EPHA7: variants seen among roughly 807,000 people sequenced by gnomAD.
EPHA7 encodes the protein ephrin type-A receptor 7.
A neutral mutation model predicts 112.6 loss-of-function variants in EPHA7; 25 were observed. That is an observed-to-expected ratio of 0.22 (90% CI 0.16 to 0.31). The LOEUF (loss-of-function observed/expected upper bound fraction) is 0.31, where lower values mean the gene tolerates loss of function less well. Ranked by LOEUF, EPHA7 falls within the 10% of genes least tolerant of loss-of-function variation. The pLI is 1.00. For synonymous variants in EPHA7, 437 were observed against 406.5 expected (o/e 1.07, Z -0.90); for missense variants, 962 against 1,212.6 (o/e 0.79, Z 3.07).
intron 5 of EPHA7, among the ~76,000 whole-genome samples, chr6:93,328,406 CAT>C (rs1169829085): frequency 3.3e-5 from 5 of 151,472 alleles, no homozygotes; most frequent in African/African-American, 9.7e-5. Flanking sequence ...ATGTATGAAA[CAT>C]GTGAAATGCT....
At chr6:93,272,178 A>T in intron 6 of EPHA7, 120 bp downstream of exon 6, 3 of 1,087,698 alleles carry the variant, frequency 2.8e-6, no homozygotes, top group Non-Finnish European at 4.0e-6. Flanking sequence ...GGCTAAAATT[A>T]ACTACGAAGT....
chr6:93,397,647 T>A (rs192874835), intron 3 of EPHA7, among the ~76,000 whole-genome samples: 6 of 151,954 alleles, frequency 3.9e-5, no homozygotes, highest in Middle Eastern at 3.2e-3. Context: ...CAACATTCCA[T>A]TGGATTCCAG....
chr6:93,327,507 T>C (rs1208320763), intron 5 of EPHA7, among the ~76,000 whole-genome samples: 1 of 151,566 alleles, frequency 6.6e-6, no homozygotes, highest in Non-Finnish European at 1.5e-5. Context: ...CTGTAGCATC[T>C]TAAACATAGC....
At chr6:93,304,659 A>T (rs1773160810) in intron 5 of EPHA7, among the ~76,000 whole-genome samples, 1 of 152,102 alleles carries the variant, frequency 6.6e-6, no homozygotes, top group South Asian at 2.1e-4. Flanking sequence ...CTTTCAACCC[A>T]GAGTTAGATT....
intron 5 of EPHA7, among the ~76,000 whole-genome samples, chr6:93,283,048 T>G (rs1771847955): frequency 6.6e-6 from 1 of 152,174 alleles, no homozygotes; most frequent in Non-Finnish European, 1.5e-5. Context: ...CGGGATCCAT[T>G]GGGTGAAGCC....
chr6:93,354,772 G>A (rs1310439477), intron 5 of EPHA7, among the ~76,000 whole-genome samples: 2 of 151,962 alleles, frequency 1.3e-5, no homozygotes, highest in East Asian at 1.9e-4. Context: ...TATTTAGCCT[G>A]TATAGTATTA....
At chr6:93,351,575 A>G (rs1311997112) in intron 5 of EPHA7, among the ~76,000 whole-genome samples, 1 of 152,046 alleles carries the variant, frequency 6.6e-6, no homozygotes, top group East Asian at 1.9e-4. Flanking sequence ...AATAGTGTAC[A>G]GTGAATAGTG....
chr6:93,293,697 A>G (rs2127840133), intron 5 of EPHA7, among the ~76,000 whole-genome samples: 1 of 152,308 alleles, frequency 6.6e-6, no homozygotes, highest in South Asian at 2.1e-4. Context: ...TGCTAACTCG[A>G]TACTTACAAA....
chr6:93,376,976 T>C (rs1043402610), intron 3 of EPHA7, among the ~76,000 whole-genome samples: 2 of 152,136 alleles, frequency 1.3e-5, no homozygotes, highest in Non-Finnish European at 2.9e-5. Flanking sequence ...ATAACCACCA[T>C]GAGGAAATCA....
intron 3 of EPHA7, among the ~76,000 whole-genome samples, chr6:93,401,818 G>A (rs1293621647): frequency 6.6e-6 from 1 of 151,870 alleles, no homozygotes; most frequent in Non-Finnish European, 1.5e-5. Flanking sequence ...TATGGACATA[G>A]AGAAAAATAT....
intron 5 of EPHA7, among the ~76,000 whole-genome samples, chr6:93,275,824 A>T (rs1225316577): frequency 6.6e-6 from 1 of 152,068 alleles, no homozygotes; most frequent in Admixed American, 6.6e-5. Flanking sequence ...TGAACCAATC[A>T]GCATTTTTAC....
chr6:93,317,130 C>T (rs1477202692), intron 5 of EPHA7, among the ~76,000 whole-genome samples: 5 of 152,122 alleles, frequency 3.3e-5, no homozygotes, highest in Non-Finnish European at 5.9e-5. Flanking sequence ...AACTTACAGG[C>T]AGATGCTCTT....
intron 3 of EPHA7, among the ~76,000 whole-genome samples, chr6:93,370,997 A>G (rs1776763717): frequency 6.6e-6 from 1 of 151,134 alleles, no homozygotes; most frequent in Non-Finnish European, 1.5e-5. Context: ...TACAAAAAAA[A>G]AAAAAAGAAA....
At chr6:93,337,621 G>C (rs1003803144) in intron 5 of EPHA7, among the ~76,000 whole-genome samples, 2 of 152,094 alleles carry the variant, frequency 1.3e-5, no homozygotes, top group African/African-American at 2.4e-5. Context: ...CTCTCATAGA[G>C]AGCTGGCAGG....
At chr6:93,287,312 A>C (rs1346227365) in intron 5 of EPHA7, among the ~76,000 whole-genome samples, 2 of 152,016 alleles carry the variant, frequency 1.3e-5, no homozygotes, top group Non-Finnish European at 2.9e-5. Context: ...TCCATTTCTC[A>C]ACTCCTTTCA....
chr6:93,329,232 C>T (rs939423263), intron 5 of EPHA7, among the ~76,000 whole-genome samples: 2 of 151,272 alleles, frequency 1.3e-5, no homozygotes, highest in African/African-American at 4.8e-5. Context: ...AGATAAATAA[C>T]TGCAGAGTAT....
intron 5 of EPHA7, among the ~76,000 whole-genome samples, chr6:93,351,649 A>C (rs1003078144): frequency 4.6e-5 from 7 of 152,028 alleles, no homozygotes; most frequent in African/African-American, 1.7e-4. Context: ...TTATAAATAT[A>C]TGTGGAGGTC....
intron 5 of EPHA7, among the ~76,000 whole-genome samples, chr6:93,315,390 A>T (rs547770583): frequency 2.6e-5 from 4 of 152,192 alleles, no homozygotes; most frequent in African/African-American, 9.6e-5. Context: ...GAGTATAATT[A>T]TAAGAATATG....
chr6:93,369,296 G>C (rs1415834565), intron 3 of EPHA7, among the ~76,000 whole-genome samples: 1 of 151,612 alleles, frequency 6.6e-6, no homozygotes, highest in Non-Finnish European at 1.5e-5. Context: ...TCCTTCATAA[G>C]AGAAAACCAG....
Sources: gnomAD v4.1 joint callset for allele counts (sites outside exome capture counted in the v4.1 genomes callset) on GRCh38, gnomAD v4.1.1 for gene constraint, MANE v1.5 for transcripts, NCBI Gene and HGNC (gene_info 2026-07-23, HGNC 2026-07-21) for gene names.